The following NT5DC1 variants were observed in gnomAD, a reference collection of about 807,000 sequenced individuals.
NT5DC1 encodes the protein 5'-nucleotidase domain-containing protein 1.
Under a neutral mutation model 59.4 loss-of-function variants are expected in NT5DC1, and 42 were observed. The observed-to-expected ratio is 0.71, with a 90% CI of 0.55 to 0.92. The LOEUF is 0.92. Among genes scored for constraint, NT5DC1 ranks in the 40% least tolerant of loss-of-function variants. The pLI, the probability that NT5DC1 is intolerant of heterozygous loss-of-function variation, is 0.00. For synonymous variants in NT5DC1, 172 were observed against 188.1 expected (o/e 0.91, Z 0.70); for missense variants, 501 against 537.1 (o/e 0.93, Z 0.66).
intron 6 of NT5DC1, among the ~76,000 whole-genome samples, chr6:116,135,858 TATATATATATATATAC>T (rs1448240741): frequency 8.5e-5 from 10 of 117,736 alleles, no homozygotes; most frequent in South Asian, 4.7e-4. Flanking sequence ...TATATATATA[TATATATATATATATAC>T]ACACATACAC....
At chr6:116,169,767 C>T (rs1456044084) in intron 6 of NT5DC1, among the ~76,000 whole-genome samples, 1 of 152,098 alleles carries the variant, frequency 6.6e-6, no homozygotes, top group Non-Finnish European at 1.5e-5. Flanking sequence ...ATTGGACAGA[C>T]ATTTGGAGTT....
chr6:116,125,499 A>C, intron 6 of NT5DC1: 2 of 1,613,524 alleles, frequency 1.2e-6, no homozygotes, highest in Non-Finnish European at 8.5e-7. Context: ...GCATATTCTC[A>C]GATGGATTCT....
At position 116,221,039 on chromosome 6, in the gene NT5DC1, A is replaced by AT; in HGVS notation, c.530-10dup. 1 of 1,256,320 alleles carries AT rather than the reference A, an allele frequency of 8.0e-7. No individual in the cohort carries two copies. The highest frequency in any genetic ancestry group is 1.1e-6 in the Non-Finnish European group (1 of 879,476). The allele number at this position is 1,256,320 out of a possible 1,614,324, so 77.8% of individuals were successfully genotyped here. The stretch of plus-strand genomic sequence containing the variant: ...GTTTAAAAAGAAAAACCTCATTGAT[A>AT]TTTTTATTTTTCAGAAAACTGTGGA... On this transcript the variant is annotated splice_polypyrimidine_tract_variant and intron_variant, in intron 6 of 11. Coordinates refer to ENST00000319550, the MANE Select transcript of NT5DC1 (RefSeq NM_152729.3).
chr6:116,244,005 A>T lies in NT5DC1; in HGVS notation c.1349A>T (p.Glu450Val). ...CCTCCACTGGTCTTATCAAGTGATG[A>T]GACACTGATATCCAAATAAGTTGTC... ...PNPPLVLSSD[E>V]TLISK Residue 450 changes from glutamate to valine, a missense_variant, in exon 12 of 12, where the codon GAG becomes GTG. By Grantham distance (121) the Glu-to-Val change is moderately radical. Coordinates refer to ENST00000319550, the MANE Select transcript of NT5DC1 (RefSeq NM_152729.3). 2 of 1,422,716 alleles carry T rather than the reference A, an allele frequency of 1.4e-6. No homozygotes were observed. The highest frequency in any genetic ancestry group is 2.0e-6 in the Non-Finnish European group (2 of 1,016,330). 88.1% of individuals were successfully genotyped at this position (1,422,716 alleles called of 1,614,324 possible).
At chr6:116,163,141 A>AAAAAAAATATATATATATAT (rs761718922) in intron 6 of NT5DC1, among the ~76,000 whole-genome samples, 3 of 88,394 alleles carry the variant, frequency 3.4e-5, no homozygotes, top group African/African-American at 1.7e-4. Flanking sequence ...AAAAAAAAAA[A>AAAAAAAATATATATATATAT]ATATATATAT....
chr6:116,151,889 T>C (rs1362924121), intron 6 of NT5DC1, among the ~76,000 whole-genome samples: 1 of 152,230 alleles, frequency 6.6e-6, no homozygotes, highest in East Asian at 1.9e-4. Flanking sequence ...TCTTTTGTTC[T>C]GAAACACTGA....
At chr6:116,162,977 A>G (rs1337525908) in intron 6 of NT5DC1, among the ~76,000 whole-genome samples, 1 of 151,726 alleles carries the variant, frequency 6.6e-6, no homozygotes, top group Non-Finnish European at 1.5e-5. Flanking sequence ...TATACAAAAA[A>G]TTAGCCAGGC....
chr6:116,128,194 T>C (rs1779373006), intron 6 of NT5DC1, among the ~76,000 whole-genome samples: 1 of 152,180 alleles, frequency 6.6e-6, no homozygotes, highest in South Asian at 2.1e-4. Context: ...GGTGTCCTTA[T>C]TGAATAAGCC....
intron 6 of NT5DC1, chr6:116,121,380 T>C (rs1779119434): frequency 6.2e-7 from 1 of 1,613,800 alleles, no homozygotes; most frequent in South Asian, 1.1e-5. Flanking sequence ...GGTGGGCCAA[T>C]TGGTCCCATT....
At chr6:116,204,063 C>G (rs1781397597) in intron 6 of NT5DC1, among the ~76,000 whole-genome samples, 1 of 151,794 alleles carries the variant, frequency 6.6e-6, no homozygotes, top group Non-Finnish European at 1.5e-5. Flanking sequence ...ACCCAGCTCA[C>G]TTTGGGCAGT....
At chr6:116,183,464 G>A (rs964007331) in intron 6 of NT5DC1, among the ~76,000 whole-genome samples, 1 of 151,960 alleles carries the variant, frequency 6.6e-6, no homozygotes, top group Non-Finnish European at 1.5e-5. Flanking sequence ...GCTTTTGGCA[G>A]TATGGTCATT....
At chr6:116,208,012 G>A (rs1781492688) in intron 6 of NT5DC1, among the ~76,000 whole-genome samples, 1 of 151,856 alleles carries the variant, frequency 6.6e-6, no homozygotes, top group South Asian at 2.1e-4. Flanking sequence ...AAGAAACACA[G>A]TGAAAGTTCT....
At chr6:116,106,401 AAAACTGTAATGC>A in intron 2 of NT5DC1, 66 bp downstream of exon 2, 2 of 742,776 alleles carry the variant, frequency 2.7e-6, no homozygotes. Context: ...TGTTACTGAT[AAAACTGTAATGC>A]TTTCTCTTCT....
chr6:116,156,708 TA>T (rs1780204246), intron 6 of NT5DC1, among the ~76,000 whole-genome samples: 1 of 152,246 alleles, frequency 6.6e-6, no homozygotes, highest in South Asian at 2.1e-4. Flanking sequence ...TGTACTTTCA[TA>T]ATATTTGCTT....
intron 6 of NT5DC1, among the ~76,000 whole-genome samples, chr6:116,178,052 AGTGTGTGTGT>A (rs61085607): frequency 0.033 from 4,491 of 136,416 alleles, 245 homozygotes; most frequent in African/African-American, 0.11. Flanking sequence ...CAAAGAGGAA[AGTGTGTGTGT>A]GTGTGTGTGT....
chr6:116,143,309 C>T (rs1779812460), intron 6 of NT5DC1, among the ~76,000 whole-genome samples: 1 of 152,140 alleles, frequency 6.6e-6, no homozygotes, highest in Non-Finnish European at 1.5e-5. Flanking sequence ...CTCCCAGGTT[C>T]AAGCAATTCT....
intron 1 of NT5DC1, 84 bp from the exon 2 acceptor site, chr6:116,106,160 A>G: frequency 1.3e-6 from 1 of 784,596 alleles, no homozygotes; most frequent in African/African-American, 1.7e-5. Context: ...CCCATCAGCA[A>G]TTCCATTAGG....
chr6:116,182,942 C>A (rs1780920452), intron 6 of NT5DC1, among the ~76,000 whole-genome samples: 1 of 152,050 alleles, frequency 6.6e-6, no homozygotes, highest in Non-Finnish European at 1.5e-5. Context: ...ATCATGAAGT[C>A]TTTGCCTAAA....
chr6:116,190,315 G>T (rs186903892), intron 6 of NT5DC1, among the ~76,000 whole-genome samples: 1 of 151,794 alleles, frequency 6.6e-6, no homozygotes, highest in African/African-American at 2.4e-5. Context: ...CTTAAAAAAT[G>T]AGATTATTAC....
Sources: allele counts gnomAD v4.1 joint callset (sites outside exome capture counted in the v4.1 genomes callset), GRCh38; gene constraint gnomAD v4.1.1; transcripts MANE v1.5; gene names NCBI Gene and HGNC (gene_info 2026-07-23, HGNC 2026-07-21).